Variants in WDR7 observed in about 807,000 individuals in gnomAD.
WDR7 encodes WD repeat-containing protein 7.
WDR7 carries 46 observed loss-of-function variants against 169.4 expected under a neutral mutation model. The observed-to-expected ratio is 0.27, with a 90% CI of 0.21 to 0.35. The LOEUF (loss-of-function observed/expected upper bound fraction) is 0.35, where lower values mean the gene tolerates loss of function less well. WDR7 is among the 10% of genes least tolerant of loss of function. The probability of loss-of-function intolerance (pLI) is 1.00; values close to 1 mark genes in which losing one functional copy is unlikely to be tolerated. For missense variants in WDR7, 1,534 were observed against 1,859.3 expected (o/e 0.83, Z 3.22); for synonymous variants, 612 against 666.8 (o/e 0.92, Z 1.27).
intron 5 of WDR7, among the ~76,000 whole-genome samples, chr18:56,683,384 G>A (rs1206874403): frequency 6.6e-6 from 1 of 152,100 alleles, no homozygotes; most frequent in South Asian, 2.1e-4. Flanking sequence ...AACCATAAAA[G>A]CAAAAGTAAA....
At chr18:56,900,438 A>G (rs1385461036) in intron 21 of WDR7, among the ~76,000 whole-genome samples, 1 of 152,118 alleles carries the variant, frequency 6.6e-6, no homozygotes, top group Non-Finnish European at 1.5e-5. Flanking sequence ...TTACCTAAAC[A>G]GTGGAAGTTT....
chr18:56,813,966 T>C (rs75374429), intron 19 of WDR7, among the ~76,000 whole-genome samples: 3 of 152,276 alleles, frequency 2.0e-5, no homozygotes, highest in Non-Finnish European at 4.4e-5. Context: ...TTATAATCAG[T>C]ATTGTGTGAT....
Position 57,020,813 on chromosome 18 carries a change from C to T in WDR7, c.4233C>T (p.Thr1411=), listed in dbSNP as rs1230829612. The change falls in exon 27 of 28, where the codon ACC becomes ACT. Residue 1411 remains threonine, a synonymous_variant. Transcript: ENST00000254442. ...AFAPDGRYLA[T]YSNTDSHISF... ...CTCCTGATGGAAGATATCTTGCCAC[C>T]TACTCAAACACTGACAGCCACATTT... 7 of 1,614,184 alleles carry T rather than the reference C, an allele frequency of 4.3e-6. No homozygotes were observed. The highest frequency in any genetic ancestry group is 5.1e-6 in the Non-Finnish European group (6 of 1,180,014).
intron 25 of WDR7, among the ~76,000 whole-genome samples, chr18:56,959,842 A>G (rs1450045413): frequency 1.3e-5 from 2 of 152,098 alleles, no homozygotes; most frequent in East Asian, 3.9e-4. Context: ...AGGACTTACC[A>G]TCCTTCGTCT....
intron 21 of WDR7, among the ~76,000 whole-genome samples, chr18:56,923,355 A>G (rs115010636): frequency 1.2e-3 from 187 of 152,370 alleles, no homozygotes; most frequent in African/African-American, 4.4e-3. Flanking sequence ...TAACAAAATC[A>G]TATGAAGAGC....
chr18:56,835,292 A>G (rs925955126), intron 20 of WDR7, among the ~76,000 whole-genome samples: 1 of 152,208 alleles, frequency 6.6e-6, no homozygotes, highest in Non-Finnish European at 1.5e-5. Context: ...AGATTTATTC[A>G]TCTTGTTAAT....
Position 56,938,689 on chromosome 18 carries a change from A to C in WDR7, c.3981+7A>C. ...TGTGGATCTTCTCGTGGAGGTAAGAATATCCTGTTTTAAATGATCCATCAG... is the reference window on the plus strand; with the variant it reads ...TGTGGATCTTCTCGTGGAGGTAAGACTATCCTGTTTTAAATGATCCATCAG... On this transcript the variant is annotated splice_region_variant and intron_variant, in intron 24 of 27. Transcript: ENST00000254442. 2 of 1,613,376 alleles carry C rather than the reference A, an allele frequency of 1.2e-6. No individual in the cohort carries two copies. The highest frequency in any genetic ancestry group is 1.7e-6 in the Non-Finnish European group (2 of 1,179,728).
In WDR7 at chr18:57,009,818, A is replaced by G. The variant is rs532785506; in HGVS notation, c.4165-10927A>G. ...ATTCCCTAGCTTTATAATCTACATC[A>G]GACAATTTTGTGTCACCAGGCACTA... On this transcript the variant is annotated intron_variant, in intron 26 of 27. Transcript: ENST00000254442. 14 of 980,852 alleles carry G rather than the reference A, an allele frequency of 1.4e-5. No homozygotes were observed. In the South Asian group the frequency reaches 3.8e-4, roughly 26 times the overall value. The allele number at this position is 980,852 out of a possible 1,614,324, so 60.8% of individuals were successfully genotyped here.
rs1226842099 is a variant in WDR7, at chr18:56,691,706, C to A, written c.864-9C>A. ...TTTTAATTGAATATTGTATTTTTCC[C>A]ATATTCAGTTGCCTTCCAGCTAGTG... On this transcript the variant is annotated splice_polypyrimidine_tract_variant and intron_variant, in intron 8 of 27. Transcript: ENST00000254442. The A allele has an allele frequency of 6.3e-7, 1 of 1,598,192 alleles. No homozygotes were observed. Among genetic ancestry groups the A allele is most frequent in the Non-Finnish European group, 8.5e-7 (1 of 1,173,350 alleles).
At chr18:56,847,651 G>A (rs2145354428) in intron 20 of WDR7, among the ~76,000 whole-genome samples, 1 of 152,292 alleles carries the variant, frequency 6.6e-6, no homozygotes, top group South Asian at 2.1e-4. Flanking sequence ...ATGGCTTTGA[G>A]GGCCAAGCTC....
At chr18:56,820,293 A>G (rs996469773) in intron 20 of WDR7, among the ~76,000 whole-genome samples, 4 of 140,666 alleles carry the variant, frequency 2.8e-5, no homozygotes, top group African/African-American at 7.7e-5. Flanking sequence ...CAAGGACACA[A>G]ACTGACCAAA....
At chr18:56,662,411 C>T (rs147186653) in intron 1 of WDR7, among the ~76,000 whole-genome samples, 1 of 152,306 alleles carries the variant, frequency 6.6e-6, no homozygotes, top group Non-Finnish European at 1.5e-5. Flanking sequence ...TAGTGTGAAA[C>T]AGGATGGTCT....
intron 19 of WDR7, among the ~76,000 whole-genome samples, chr18:56,785,322 T>C (rs1317776899): frequency 5.9e-5 from 9 of 152,226 alleles, no homozygotes; most frequent in African/African-American, 2.2e-4. Flanking sequence ...AGTATTGCTT[T>C]AGAAATGCAA....
chr18:56,660,572 G>A (rs2144442623), intron 1 of WDR7, among the ~76,000 whole-genome samples: 1 of 151,950 alleles, frequency 6.6e-6, no homozygotes, highest in Admixed American at 6.5e-5. Flanking sequence ...AAAGCAATGA[G>A]GCTTGATGAG....
intron 25 of WDR7, among the ~76,000 whole-genome samples, chr18:56,951,709 A>G (rs937757162): frequency 1.3e-5 from 2 of 152,178 alleles, no homozygotes; most frequent in Admixed American, 6.5e-5. Context: ...TATGCACACT[A>G]TATGTATATA....
At chr18:56,676,986 T>C (rs1191407592) in intron 2 of WDR7, among the ~76,000 whole-genome samples, 1 of 152,236 alleles carries the variant, frequency 6.6e-6, no homozygotes, top group Non-Finnish European at 1.5e-5. Flanking sequence ...TAGTTATTTT[T>C]GATTGTTTCA....
intron 2 of WDR7, among the ~76,000 whole-genome samples, chr18:56,676,256 T>A (rs2025242034): frequency 6.6e-6 from 1 of 152,164 alleles, no homozygotes; most frequent in Non-Finnish European, 1.5e-5. Context: ...AGTCTATGTG[T>A]GTTTTTATAG....
intron 20 of WDR7, among the ~76,000 whole-genome samples, chr18:56,870,920 A>G (rs2045943335): frequency 6.6e-6 from 1 of 152,214 alleles, no homozygotes; most frequent in African/African-American, 2.4e-5. Flanking sequence ...ACTATCATGT[A>G]TTGTTTTAAA....
chr18:56,793,631 ACTTG>A (rs1297172650), intron 19 of WDR7, among the ~76,000 whole-genome samples: 3 of 152,242 alleles, frequency 2.0e-5, no homozygotes, highest in African/African-American at 7.2e-5. Context: ...TTCTGCACAT[ACTTG>A]CTTTTTCTTT....
Sources: gnomAD v4.1 joint callset for allele counts (sites outside exome capture counted in the v4.1 genomes callset) on GRCh38, gnomAD v4.1.1 for gene constraint, MANE v1.5 for transcripts, NCBI Gene and HGNC (gene_info 2026-07-23, HGNC 2026-07-21) for gene names.